Variants in SPATA13 observed in about 807,000 individuals in gnomAD.
SPATA13 encodes the protein spermatogenesis associated 13, also known as spermatogenesis-associated protein 13.
In SPATA13, 50 loss-of-function variants were observed where a neutral mutation model predicts 104.0. The ratio of observed to expected loss-of-function variants is 0.48; its 90% CI spans 0.38 to 0.61. The LOEUF (loss-of-function observed/expected upper bound fraction) is 0.61. SPATA13 is among the 20% of genes least tolerant of loss of function. The pLI, the probability that SPATA13 is intolerant of heterozygous loss-of-function variation, is 0.00. For synonymous variants in SPATA13, 606 were observed against 667.5 expected (o/e 0.91, Z 1.42); for missense variants, 1,524 against 1,690.6 (o/e 0.90, Z 1.73).
intron 1 of SPATA13, among the ~76,000 whole-genome samples, chr13:24,217,268 A>G (rs1871306040): frequency 6.6e-6 from 1 of 152,150 alleles, no homozygotes; most frequent in African/African-American, 2.4e-5. Flanking sequence ...CTATTCTGAA[A>G]CTAATTGGTA....
intron 2 of SPATA13, among the ~76,000 whole-genome samples, chr13:24,225,591 C>T (rs1236871310): frequency 6.6e-6 from 1 of 152,234 alleles, no homozygotes; most frequent in African/African-American, 2.4e-5. Context: ...ATATCTCCTT[C>T]AGTCCCACTG....
intron 1 of SPATA13, among the ~76,000 whole-genome samples, chr13:24,170,682 C>T (rs1456750941): frequency 1.3e-5 from 2 of 152,046 alleles, no homozygotes; most frequent in African/African-American, 2.4e-5. Flanking sequence ...GCCAATCAGT[C>T]TGGCGTAAAA....
upstream of SPATA13, chr13:24,160,573 C>G: frequency 3.5e-6 from 1 of 284,906 alleles, no homozygotes; most frequent in Non-Finnish European, 5.2e-6. Flanking sequence ...GTGGGGTCCC[C>G]GGCTGTGGTT....
At chr13:24,293,230 G>GA (rs528492219) in intron 9 of SPATA13, among the ~76,000 whole-genome samples, 13,482 of 130,540 alleles carry the variant, frequency 0.1, 641 homozygotes, top group African/African-American at 0.12. Context: ...AAGTTCAGTG[G>GA]AAAAAAAAAA....
intron 3 of SPATA13, among the ~76,000 whole-genome samples, chr13:24,019,255 A>C (rs1266705870): frequency 6.6e-6 from 1 of 151,024 alleles, no homozygotes; most frequent in Admixed American, 6.6e-5. Context: ...CGCCCAGCTA[A>C]TTTTTTGTAT....
chr13:24,074,808 G>T (rs1415430863), intron 3 of SPATA13, among the ~76,000 whole-genome samples: 3 of 152,190 alleles, frequency 2.0e-5, no homozygotes, highest in African/African-American at 2.4e-5. Flanking sequence ...TAGGTTTGGA[G>T]CAACTCCATG....
chr13:24,261,309 A>C (rs1303063632), intron 4 of SPATA13, among the ~76,000 whole-genome samples: 3 of 152,198 alleles, frequency 2.0e-5, no homozygotes, highest in African/African-American at 4.8e-5. Flanking sequence ...TGCCTGGCTG[A>C]CAAGGAGCCT....
chr13:24,237,905 T>G (rs1243101798), intron 2 of SPATA13, among the ~76,000 whole-genome samples: 3 of 143,364 alleles, frequency 2.1e-5, no homozygotes. Context: ...AACATACATG[T>G]TTAAATATGC....
chr13:24,113,699 A>C (rs996510675), intron 3 of SPATA13, among the ~76,000 whole-genome samples: 4 of 151,592 alleles, frequency 2.6e-5, no homozygotes, highest in African/African-American at 9.7e-5. Flanking sequence ...GTGAAACCCC[A>C]TCTCTACTAA....
At chr13:24,134,872 A>G (rs998392406) in intron 3 of SPATA13, among the ~76,000 whole-genome samples, 3 of 152,202 alleles carry the variant, frequency 2.0e-5, no homozygotes, top group Non-Finnish European at 4.4e-5. Context: ...ACCTTATTTG[A>G]CAATAAGATC....
intron 4 of SPATA13, among the ~76,000 whole-genome samples, chr13:24,267,720 C>A (rs1159206913): frequency 6.6e-6 from 1 of 152,188 alleles, no homozygotes; most frequent in East Asian, 1.9e-4. Context: ...TTCCTACTTT[C>A]TGCTGCTTTG....
intron 1 of SPATA13, among the ~76,000 whole-genome samples, chr13:24,182,403 CTCCAGTGAGGCCTCAGGAAGCT>C (rs1217355110): frequency 3.3e-5 from 5 of 152,158 alleles, no homozygotes; most frequent in Non-Finnish European, 5.9e-5. Flanking sequence ...CAGTATCTGC[CTCCAGTGAGGCCTCAGGAAGCT>C]TCCAGTCACA....
chr13:24,114,065 A>G (rs1273022317), intron 3 of SPATA13, among the ~76,000 whole-genome samples: 1 of 152,166 alleles, frequency 6.6e-6, no homozygotes, highest in African/African-American at 2.4e-5. Context: ...TCAGTTTCTT[A>G]TTAGTGCTTA....
At chr13:24,106,876 C>T (rs749512436) in intron 3 of SPATA13, among the ~76,000 whole-genome samples, 1 of 152,022 alleles carries the variant, frequency 6.6e-6, no homozygotes, top group Non-Finnish European at 1.5e-5. Context: ...TAAAGCAGAT[C>T]GAGTGAGTTT....
At position 24,305,477 on chromosome 13, in the gene SPATA13, T is replaced by C. The variant is rs971225894; in HGVS notation, c.*2704T>C. The C allele has an allele frequency of 4.6e-5, 7 of 152,232 alleles. No individual in the cohort carries two copies. The highest frequency in any genetic ancestry group is 1.5e-5 in the Non-Finnish European group (1 of 68,030). The allele number at this position is 152,232 out of a possible 1,614,324, so 9.4% of individuals were successfully genotyped here. The stretch of plus-strand genomic sequence containing the variant: ...AAATCTGCATGTCTGGCTTGGGTTT[T>C]ATTACCACATGCCTGAGTTCTTCAA... On this transcript the variant is annotated 3_prime_UTR_variant, in exon 13 of 13. Transcript: ENST00000382108.
intron 1 of SPATA13, among the ~76,000 whole-genome samples, chr13:24,177,448 G>T (rs1868501355): frequency 6.6e-6 from 1 of 152,124 alleles, no homozygotes; most frequent in African/African-American, 2.4e-5. Flanking sequence ...TCTTCATATG[G>T]TGAAGGGGGC....
At chr13:24,189,479 C>A (rs1241762770) in intron 1 of SPATA13, among the ~76,000 whole-genome samples, 1 of 55,932 alleles carries the variant, frequency 1.8e-5, no homozygotes, top group African/African-American at 3.8e-5. Context: ...ATCTCTCTCT[C>A]TCTCTATATA....
intron 4 of SPATA13, chr13:24,278,829 C>A (rs927924867): frequency 6.3e-7 from 1 of 1,591,292 alleles, no homozygotes; most frequent in East Asian, 2.3e-5. Flanking sequence ...AAGGCAAGTT[C>A]ATCTGACCCC....
chr13:24,178,541 T>C (rs1868587630), intron 1 of SPATA13, among the ~76,000 whole-genome samples: 1 of 152,188 alleles, frequency 6.6e-6, no homozygotes, highest in African/African-American at 2.4e-5. Flanking sequence ...CCCTAATAAA[T>C]GAGCTTACTC....
Sources: gnomAD v4.1 joint callset for allele counts (sites outside exome capture counted in the v4.1 genomes callset) on GRCh38, gnomAD v4.1.1 for gene constraint, MANE v1.5 for transcripts, NCBI Gene and HGNC (gene_info 2026-07-23, HGNC 2026-07-21) for gene names.